The following POLA1 variants were observed in gnomAD, a reference collection of about 807,000 sequenced individuals.
POLA1 encodes the protein DNA polymerase alpha 1, catalytic subunit.
In POLA1, 15 loss-of-function variants were observed where a neutral mutation model predicts 124.0. The ratio of observed to expected loss-of-function variants is 0.12; its 90% CI spans 0.08 to 0.19. The LOEUF is 0.19. POLA1 is among the 10% of genes least tolerant of loss of function. The pLI is 1.00. For missense variants in POLA1, 886 were observed against 1,103.4 expected (o/e 0.80, Z 2.79); for synonymous variants, 408 against 389.4 (o/e 1.05, Z -0.56).
chrX:24,777,009 C>T (rs2045152461), intron 26 of POLA1, among the ~76,000 whole-genome samples: 1 of 112,045 alleles, frequency 8.9e-6, no homozygotes, highest in Non-Finnish European at 1.9e-5. Flanking sequence ...TATTGATGGA[C>T]ATTATTCTTA....
chrX:24,884,360 G>A (rs1378969726), intron 34 of POLA1, among the ~76,000 whole-genome samples: 6 of 110,982 alleles, frequency 5.4e-5, no homozygotes, highest in East Asian at 5.6e-4. Context: ...TGTTGCCGAC[G>A]CTGGTCTTGA....
chrX:24,699,436 T>A lies in POLA1; in HGVS notation c.55T>A (p.Ser19Thr). The A allele has an allele frequency of 3.4e-6, 4 of 1,174,403 alleles. No homozygotes were observed. Among genetic ancestry groups the A allele is most frequent in the Non-Finnish European group, 4.6e-6 (4 of 874,126 alleles). ...TTTTCTTTTTTCAGCTCTGTCAGATTCAGGGAGTTTTGTATCTTCTCGAGC... is the reference window on the plus strand; with the variant it reads ...TTTTCTTTTTTCAGCTCTGTCAGATACAGGGAGTTTTGTATCTTCTCGAGC... Reference protein sequence around the residue: ...CEIGASALSDSGSFVSSRARR... With the variant: ...CEIGASALSDTGSFVSSRARR... The change falls in exon 2 of 37, where the codon TCA becomes ACA. Residue 19 changes from serine (S) to threonine (T), a missense_variant. This residue lies in a region of POLA1 where 49 missense variants were observed against 39.2 expected (regional missense o/e 1.25). Transcript: ENST00000379068.
intron 35 of POLA1, among the ~76,000 whole-genome samples, chrX:24,897,937 T>G (rs2047229320): frequency 8.9e-6 from 1 of 112,360 alleles, no homozygotes; most frequent in African/African-American, 3.2e-5. Context: ...ACAGCTTTAT[T>G]GACAGCAATG....
chrX:24,778,380 G>A (rs1047265479), intron 26 of POLA1, among the ~76,000 whole-genome samples: 5 of 110,972 alleles, frequency 4.5e-5, no homozygotes, highest in South Asian at 7.8e-4. Context: ...ACAGGCGCCC[G>A]CCACCACACC....
At chrX:24,955,548 G>C (rs972084201) in intron 36 of POLA1, among the ~76,000 whole-genome samples, 5 of 111,671 alleles carry the variant, frequency 4.5e-5, no homozygotes, top group Admixed American at 1.9e-4. Context: ...TTGTTCCACT[G>C]TGTGGTTTTA....
intron 35 of POLA1, among the ~76,000 whole-genome samples, chrX:24,920,881 C>T (rs945645802): frequency 8.9e-6 from 1 of 112,389 alleles, no homozygotes; most frequent in Non-Finnish European, 1.9e-5. Flanking sequence ...CATATATGGA[C>T]TTTATTTTAT....
intron 2 of POLA1, among the ~76,000 whole-genome samples, chrX:24,700,487 G>T (rs1928333315): frequency 8.9e-6 from 1 of 111,946 alleles, no homozygotes; most frequent in South Asian, 3.7e-4. Context: ...TTGCTAAAAG[G>T]ATTTCAGTAA....
intron 35 of POLA1, among the ~76,000 whole-genome samples, chrX:24,926,836 C>CTT (rs1178849548): frequency 1.4e-4 from 14 of 102,150 alleles, no homozygotes; most frequent in African/African-American, 4.9e-4. Context: ...ATCATCAGTA[C>CTT]TTTTTTTTTT....
At chrX:24,870,395 C>T (rs1463315906) in intron 34 of POLA1, among the ~76,000 whole-genome samples, 2 of 111,956 alleles carry the variant, frequency 1.8e-5, no homozygotes, top group East Asian at 2.8e-4. Flanking sequence ...CATCCTGTTA[C>T]GAGTGGCTTT....
chrX:24,888,534 A>G, intron 35 of POLA1, among the ~76,000 whole-genome samples: 1 of 107,115 alleles, frequency 9.3e-6, no homozygotes, highest in Non-Finnish European at 1.9e-5. Flanking sequence ...TGCTGGATTA[A>G]TTGTTTATAA....
At chrX:24,754,326 C>T (rs1298376459) in intron 26 of POLA1, among the ~76,000 whole-genome samples, 3 of 108,679 alleles carry the variant, frequency 2.8e-5, no homozygotes, top group East Asian at 2.9e-4. Context: ...GGCGTGATCT[C>T]GGCTCACCAC....
intron 34 of POLA1, among the ~76,000 whole-genome samples, chrX:24,884,288 G>A (rs1216206461): frequency 1.8e-5 from 2 of 110,728 alleles, no homozygotes; most frequent in African/African-American, 6.6e-5. Flanking sequence ...AACTGTGACC[G>A]TAGGTGCGTG....
At chrX:24,836,451 G>A (rs1489632487) in intron 32 of POLA1, among the ~76,000 whole-genome samples, 2 of 111,844 alleles carry the variant, frequency 1.8e-5, no homozygotes, top group African/African-American at 6.5e-5. Flanking sequence ...TTTCCAAAGC[G>A]GTTCTACTCG....
chrX:24,806,235 A>T (rs1015605646), intron 26 of POLA1, among the ~76,000 whole-genome samples: 1 of 106,281 alleles, frequency 9.4e-6, no homozygotes, highest in Non-Finnish European at 1.9e-5. Context: ...AATACTGTGT[A>T]CCCCTTAGGA....
intron 34 of POLA1, among the ~76,000 whole-genome samples, chrX:24,860,938 C>T (rs1034803158): frequency 1.3e-4 from 14 of 111,706 alleles, no homozygotes; most frequent in African/African-American, 2.9e-4. Flanking sequence ...ACCCTGTCCC[C>T]ACCACCACTC....
intron 36 of POLA1, among the ~76,000 whole-genome samples, chrX:24,984,953 C>T: frequency 9.0e-6 from 1 of 111,296 alleles, no homozygotes; most frequent in Middle Eastern, 4.6e-3. Context: ...AGCCACCGCA[C>T]CCGGCCTGCA....
chrX:24,758,260 A>C, intron 26 of POLA1, among the ~76,000 whole-genome samples: 1 of 110,584 alleles, frequency 9.0e-6, no homozygotes, highest in Non-Finnish European at 1.9e-5. Context: ...TATATATGTT[A>C]TATATAATCT....
intron 32 of POLA1, among the ~76,000 whole-genome samples, chrX:24,837,043 G>A (rs2046350301): frequency 8.9e-6 from 1 of 111,822 alleles, no homozygotes; most frequent in Non-Finnish European, 1.9e-5. Flanking sequence ...CACTCAAAAC[G>A]TTTCAAATTT....
rs765187504 is a variant in POLA1 at position 24,973,092 on chromosome X, A to C, written c.4262-22713A>C. Among the ~76,000 whole-genome samples the C allele has an allele frequency of 8.0e-5, 9 of 112,308 alleles. No homozygotes were observed. The Admixed American group carries it at 8.5e-4, about 11-fold the overall frequency. On this transcript the variant is annotated intron_variant, in intron 36 of 36. Coordinates refer to ENST00000379068, the MANE Select transcript of POLA1 (RefSeq NM_001330360.2). ...ATCTTCTGGCTGGGTGCAGTGGCTCATGCCTATAATCACAGCACTTTGGGA... is the reference window on the plus strand; with the variant it reads ...ATCTTCTGGCTGGGTGCAGTGGCTCCTGCCTATAATCACAGCACTTTGGGA...
Sources: gnomAD v4.1 joint callset for allele counts (sites outside exome capture counted in the v4.1 genomes callset) on GRCh38, gnomAD v4.1.1 for gene constraint, gnomAD v4.1.1 regional missense constraint, MANE v1.5 for transcripts, NCBI Gene and HGNC (gene_info 2026-07-23, HGNC 2026-07-21) for gene names.